CDCA5: variants seen among roughly 807,000 people sequenced by gnomAD.
CDCA5 encodes the protein cell division cycle associated 5, also known as sororin.
In CDCA5, 14 loss-of-function variants were observed where a neutral mutation model predicts 25.7. That is an observed-to-expected ratio of 0.54 (90% confidence interval 0.36 to 0.85). The LOEUF is 0.85. CDCA5 is among the 40% of genes least tolerant of loss of function. The pLI is 0.01. For missense variants in CDCA5, 307 were observed against 324.5 expected (o/e 0.95, Z 0.41); for synonymous variants, 127 against 128.7 (o/e 0.99, Z 0.09).
downstream of CDCA5, among the ~76,000 whole-genome samples, chr11:65,076,053 T>C (rs115423285): frequency 9.5e-4 from 144 of 152,286 alleles, no homozygotes; most frequent in African/African-American, 3.3e-3. Context: ...AAAGAGCAAC[T>C]TGGAACGTTC....
downstream of CDCA5, among the ~76,000 whole-genome samples, chr11:65,074,138 T>C (rs1234564962): frequency 6.6e-6 from 1 of 152,180 alleles, no homozygotes; most frequent in African/African-American, 2.4e-5. Context: ...AGTGGCACAA[T>C]ATCGGCTCAC....
At chr11:65,063,268 C>T (rs1444356763), downstream of CDCA5, among the ~76,000 whole-genome samples, 1 of 152,198 alleles carries the variant, frequency 6.6e-6, no homozygotes, top group African/African-American at 2.4e-5. Context: ...GATGACGTTG[C>T]AGGATGGAGG....
intron 3 of CDCA5, chr11:65,067,991 ACTCTCT>A (rs149675910): frequency 1.1e-4 from 128 of 1,130,258 alleles, no homozygotes; most frequent in Admixed American, 1.9e-4. Flanking sequence ...CTGCATGGGC[ACTCTCT>A]CTCTCTCTCT....
downstream of CDCA5, among the ~76,000 whole-genome samples, chr11:65,072,820 T>C (rs1404262446): frequency 6.6e-6 from 1 of 152,044 alleles, no homozygotes; most frequent in Non-Finnish European, 1.5e-5. Context: ...GAAGGTGCTA[T>C]GATGGAGGTC....
At chr11:65,064,305 C>A (rs1289907703), downstream of CDCA5, among the ~76,000 whole-genome samples, 1 of 151,258 alleles carries the variant, frequency 6.6e-6, no homozygotes, top group East Asian at 1.9e-4. Flanking sequence ...GTAGTCCCAG[C>A]TACTCGGGAG....
downstream of CDCA5, among the ~76,000 whole-genome samples, chr11:65,076,995 G>A (rs1434858021): frequency 3.3e-5 from 5 of 152,114 alleles, no homozygotes; most frequent in African/African-American, 7.2e-5. Flanking sequence ...AACAAGACAC[G>A]GGGCAGGACA....
At chr11:65,080,325 G>A (rs1237165725) in intron 4 of CDCA5, among the ~76,000 whole-genome samples, 2 of 152,172 alleles carry the variant, frequency 1.3e-5, no homozygotes, top group African/African-American at 2.4e-5. Context: ...TGGTGCTGTC[G>A]CTTGTTTCCA....
downstream of CDCA5, among the ~76,000 whole-genome samples, chr11:65,076,298 G>A (rs201537776): frequency 3.8e-5 from 1 of 26,380 alleles, no homozygotes; most frequent in Admixed American, 3.6e-4. Flanking sequence ...TACATTTTTT[G>A]TAGTCAGGAT....
chr11:65,069,085 A>T (rs540489164), intron 1 of CDCA5, among the ~76,000 whole-genome samples: 3 of 152,174 alleles, frequency 2.0e-5, no homozygotes, highest in Admixed American at 6.6e-5. Flanking sequence ...GCAAAAAATT[A>T]AAAAATTGGC....
At chr11:65,068,429 C>A in intron 2 of CDCA5, 1 of 1,052,534 alleles carries the variant, frequency 9.5e-7, no homozygotes, top group South Asian at 1.3e-5. Flanking sequence ...GGAAGAATTT[C>A]TCCAGCTCTC....
Position 65,077,968 on chromosome 11 carries a change from C to T in CDCA5, c.*1139G>A, listed in dbSNP as rs7944881. On this transcript the variant is annotated 3_prime_UTR_variant, in exon 6 of 6. Transcript: ENST00000275517. ...GGGCAGGGCAGCCTTCAAATCCACA[C>T]TATTGAATCCACACGATGGAAAGAA... 2.0e-6 allele frequency: 2 copies of T among 985,462 alleles called. No individual in the cohort carries two copies. Among genetic ancestry groups the T allele is most frequent in the Non-Finnish European group, 2.4e-6 (2 of 829,980 alleles). The allele number at this position is 985,462 out of a possible 1,614,324, so 61.0% of individuals were successfully genotyped here. A position where few individuals can be genotyped will look rare whatever the true frequency, so the allele number is the denominator to read the frequency against.
At chr11:65,066,959 C>G in intron 4 of CDCA5, 1 of 1,064,352 alleles carries the variant, frequency 9.4e-7, no homozygotes, top group Non-Finnish European at 1.3e-6. Flanking sequence ...CCACCTCCTG[C>G]TTCAGCCACC....
At position 65,078,121 on chromosome 11, in the gene CDCA5, TTTCCGAGGACTTTACA is replaced by T. The variant is rs576203950; in HGVS notation, c.*970_*985del. On this transcript the variant is annotated 3_prime_UTR_variant, in exon 6 of 6. Transcript: ENST00000275517. Reference sequence around the variant, plus strand: ...GCCGCTGTCTGGTACGCGAGGAAACTTTCCGAGGACTTTACAAGCATAGTTGCAAAATGCTAGTAGG... The same window carrying T: ...GCCGCTGTCTGGTACGCGAGGAAACTAGCATAGTTGCAAAATGCTAGTAGG... 138 of 985,446 alleles carry T rather than the reference TTTCCGAGGACTTTACA, an allele frequency of 1.4e-4. No homozygotes were observed. Among genetic ancestry groups the T allele is most frequent in the East Asian group, 3.4e-4 (3 of 8,814 alleles). The allele number at this position is 985,446 out of a possible 1,614,324, so 61.0% of individuals were successfully genotyped here.
At chr11:65,082,192 G>A (rs1233849366) in intron 4 of CDCA5, among the ~76,000 whole-genome samples, 1 of 152,088 alleles carries the variant, frequency 6.6e-6, no homozygotes, top group African/African-American at 2.4e-5. Context: ...AGCCCCCAGA[G>A]GGGTCTTTCT....
chr11:65,068,118 G>A, exon 3 of CDCA5: 1 of 1,289,074 alleles, frequency 7.8e-7, no homozygotes, highest in Non-Finnish European at 1.0e-6. Context: ...GAGGAAGGTG[G>A]CTTTGCAGAG....
At chr11:65,072,400 T>C (rs1285741360) in intron 1 of CDCA5, among the ~76,000 whole-genome samples, 2 of 152,164 alleles carry the variant, frequency 1.3e-5, no homozygotes, top group Non-Finnish European at 2.9e-5. Flanking sequence ...GAGGGGTCCA[T>C]AGGCTGTGTG....
intron 4 of CDCA5, 111 bp downstream of exon 4, chr11:65,083,253 T>C (rs1947611676): frequency 7.8e-7 from 1 of 1,283,928 alleles, no homozygotes; most frequent in Non-Finnish European, 1.1e-6. Context: ...GCAAACTGTT[T>C]TTGCAGTACT....
Position 65,079,052 on chromosome 11 carries a change from T to G in CDCA5, c.*55A>C. 1.4e-6 allele frequency: 2 copies of G among 1,450,318 alleles called. No homozygotes were observed. The highest frequency in any genetic ancestry group is 1.8e-6 in the Non-Finnish European group (2 of 1,100,212). 89.8% of individuals were successfully genotyped at this position (1,450,318 alleles called of 1,614,324 possible). ...CCTAAGTGTCCTCTCCACAGGGAGG[T>G]GGCTATGTACAGGACAGGAGGGAGA... On this transcript the variant is annotated 3_prime_UTR_variant, in exon 6 of 6. Transcript: ENST00000275517.
chr11:65,069,580 G>A (rs985076518), intron 1 of CDCA5, among the ~76,000 whole-genome samples: 1 of 152,166 alleles, frequency 6.6e-6, no homozygotes, highest in Non-Finnish European at 1.5e-5. Context: ...GTCACCAGGA[G>A]AACCTGGCTG....
Sources: allele counts gnomAD v4.1 joint callset (sites outside exome capture counted in the v4.1 genomes callset), GRCh38; gene constraint gnomAD v4.1.1; transcripts MANE v1.5; gene names NCBI Gene and HGNC (gene_info 2026-07-23, HGNC 2026-07-21).